Variants in SIDT1 observed in about 807,000 individuals in gnomAD.
SIDT1 encodes SID1 transmembrane family member 1, also known as SID1 transmembrane family, member 1.
SIDT1 carries 101 observed loss-of-function variants against 107.5 expected under a neutral mutation model. The observed-to-expected ratio is 0.94, with a 90% CI of 0.80 to 1.11. The LOEUF is 1.11. SIDT1 is among the 50% of genes least tolerant of loss of function. The pLI is 0.00. For synonymous variants in SIDT1, 395 were observed against 398.2 expected (o/e 0.99, Z 0.10); for missense variants, 1,076 against 1,058.2 (o/e 1.02, Z -0.23).
At chr3:113,557,388 G>A (rs1940990946) in intron 1 of SIDT1, among the ~76,000 whole-genome samples, 2 of 152,190 alleles carry the variant, frequency 1.3e-5, no homozygotes, top group African/African-American at 4.8e-5. Context: ...GACCTTACTT[G>A]GAAGTATCAT....
At chr3:113,540,436 CA>C (rs1399369801) in intron 1 of SIDT1, among the ~76,000 whole-genome samples, 2 of 152,114 alleles carry the variant, frequency 1.3e-5, no homozygotes, top group East Asian at 3.8e-4. Flanking sequence ...ACATTACTAC[CA>C]ACAATAAGAT....
intron 10 of SIDT1, 144 bp from the exon 11 acceptor site, chr3:113,601,444 C>A: frequency 1.9e-6 from 1 of 533,964 alleles, no homozygotes; most frequent in Non-Finnish European, 3.3e-6. Context: ...GCAGATGGGT[C>A]ATAGTTTTGG....
rs184384344 is a variant in SIDT1 at position 113,567,060 on chromosome 3, T to A, written c.345-480T>A. Among the ~76,000 whole-genome samples, 556 of 152,302 alleles carry A rather than the reference T, an allele frequency of 3.7e-3. 10 individuals are homozygous for A. Among genetic ancestry groups the A allele is most frequent in the Non-Finnish European group, 7.6e-4 (52 of 68,022 alleles). ...TACTACTGCACTAATAAAAAAAACTTGGAAGGCATGCAAAATGGACACATA... is the reference window on the plus strand; with the variant it reads ...TACTACTGCACTAATAAAAAAAACTAGGAAGGCATGCAAAATGGACACATA... On this transcript the variant is annotated intron_variant, in intron 2 of 24. Coordinates refer to ENST00000264852, the MANE Select transcript of SIDT1 (RefSeq NM_017699.3).
intron 1 of SIDT1, among the ~76,000 whole-genome samples, chr3:113,538,828 T>C (rs1197664144): frequency 1.3e-5 from 2 of 152,170 alleles, no homozygotes; most frequent in Non-Finnish European, 2.9e-5. Flanking sequence ...GCATTTCAGA[T>C]ACGGAAAAAT....
At chr3:113,603,652 G>A (rs1040279086) in intron 12 of SIDT1, among the ~76,000 whole-genome samples, 1 of 152,114 alleles carries the variant, frequency 6.6e-6, no homozygotes, top group African/African-American at 2.4e-5. Flanking sequence ...ATCAATTCTT[G>A]ACATGTAAGA....
rs1402209811 is a variant in SIDT1, at chr3:113,576,982, T to C, written c.561+15T>C. On this transcript the variant is annotated intron_variant, in intron 4 of 24. Coordinates refer to ENST00000264852, the MANE Select transcript of SIDT1 (RefSeq NM_017699.3). Reference sequence around the variant, plus strand: ...CTCAACCTCAGGTAAGTGAAGGGGTTCCAAGAGTTATCAACATCCTACCTG... The same window carrying C: ...CTCAACCTCAGGTAAGTGAAGGGGTCCCAAGAGTTATCAACATCCTACCTG... 8 of 1,613,482 alleles carry C rather than the reference T, an allele frequency of 5.0e-6. No homozygotes were observed. The Middle Eastern group carries it at 4.9e-4, about 99-fold the overall frequency.
At chr3:113,584,797 A>G in intron 8 of SIDT1, 28 bp downstream of exon 8, 2 of 1,446,456 alleles carry the variant, frequency 1.4e-6, no homozygotes, top group Non-Finnish European at 1.9e-6. Flanking sequence ...AATGCATTGA[A>G]GAGATTCCTG....
chr3:113,616,073 C>T (rs1576969894), intron 19 of SIDT1, 27 bp from the exon 20 acceptor site: 1 of 1,560,784 alleles, frequency 6.4e-7, no homozygotes, highest in Non-Finnish European at 8.8e-7. Flanking sequence ...ACTAAGCCTT[C>T]TCACCATGCA....
intron 3 of SIDT1, among the ~76,000 whole-genome samples, chr3:113,569,114 G>T (rs980865397): frequency 7.3e-6 from 1 of 136,328 alleles, no homozygotes; most frequent in Non-Finnish European, 1.5e-5. Flanking sequence ...ACTCCAGCCT[G>T]GGTGAAGGAG....
At position 113,570,188 on chromosome 3, in the gene SIDT1, A is replaced by T. The variant is rs141324804; in HGVS notation, c.515+2478A>T. Among the ~76,000 whole-genome samples, 434 of 152,346 alleles carry T rather than the reference A, an allele frequency of 2.8e-3. 1 individual carries two copies. The highest frequency in any genetic ancestry group is 9.9e-3 in the African/African-American group (410 of 41,590). On this transcript the variant is annotated intron_variant, in intron 3 of 24. Transcript: ENST00000264852. ...CCAAAGTGCTGGTATTACAGGCATG[A>T]GCAACTGTGCCTGGCCTAATTTAAT... is the stretch of plus-strand genomic sequence containing the variant.
At chr3:113,616,035 C>T in intron 19 of SIDT1, 65 bp from the exon 20 acceptor site, 1 of 1,125,932 alleles carries the variant, frequency 8.9e-7, no homozygotes, top group Non-Finnish European at 1.4e-6. Flanking sequence ...AAACCTTGGG[C>T]CACTTCAGAG....
In SIDT1 at chr3:113,584,728, G is replaced by A. The variant is rs372768021; in HGVS notation, c.866G>A (p.Arg289Gln). 80 of 1,599,364 alleles carry A rather than the reference G, an allele frequency of 5.0e-5. No individual in the cohort carries two copies. Among genetic ancestry groups the A allele is most frequent in the Middle Eastern group, 1.7e-4 (1 of 6,034 alleles). Residue 289 changes from arginine (R) to glutamine (Q), a missense_variant, in exon 8 of 25, where the codon CGA (arginine) becomes CAA (glutamine). Arg to Gln is a conservative substitution (Grantham distance 43). Transcript: ENST00000264852. ...GAAAACCAGACCTGGAATCTACAGC[G>A]AAAAAAGAACCTTGAAGTGACCATT... is the stretch of plus-strand genomic sequence containing the variant. ...EKENQTWNLQRKKNLEVTIVP... is the reference protein window; with the variant it reads ...EKENQTWNLQQKKNLEVTIVP...
chr3:113,596,443 G>A (rs993890404), intron 10 of SIDT1, among the ~76,000 whole-genome samples: 17 of 152,208 alleles, frequency 1.1e-4, no homozygotes, highest in African/African-American at 3.9e-4. Context: ...GCAAAAAAAT[G>A]TATTTCATAC....
At chr3:113,605,122 C>CCCTTT in intron 14 of SIDT1, 146 bp downstream of exon 14, 1 of 306,998 alleles carries the variant, frequency 3.3e-6, no homozygotes, top group Non-Finnish European at 5.4e-6. Context: ...CTATTGCTTC[C>CCCTTT]TCTTTTTTTT....
chr3:113,575,097 T>C (rs1471913018), intron 3 of SIDT1, among the ~76,000 whole-genome samples: 2 of 152,194 alleles, frequency 1.3e-5, no homozygotes, highest in Non-Finnish European at 2.9e-5. Flanking sequence ...TGCATTGTAC[T>C]AGCAAATAAA....
intron 1 of SIDT1, among the ~76,000 whole-genome samples, chr3:113,552,883 G>T (rs1319638948): frequency 6.6e-6 from 1 of 152,208 alleles, no homozygotes; most frequent in African/African-American, 2.4e-5. Flanking sequence ...GTTGGAGGAG[G>T]AGTAGTTCCT....
Position 113,569,275 on chromosome 3 carries a change from G to A in SIDT1, c.515+1565G>A, listed in dbSNP as rs78603686. Among the ~76,000 whole-genome samples the A allele has an allele frequency of 7.7e-3, 1,173 of 152,186 alleles. 15 individuals carry two copies. The highest frequency in any genetic ancestry group is 0.026 in the African/African-American group (1,096 of 41,524). The stretch of plus-strand genomic sequence containing the variant: ...AATAGTGGTACCTTTGGGGAGGAGA[G>A]AAGTACATGGCTATGTTTGACGATA... On this transcript the variant is annotated intron_variant, in intron 3 of 24. Transcript: ENST00000264852.
At chr3:113,568,034 T>C (rs1020577042) in intron 3 of SIDT1, 3 of 218,156 alleles carry the variant, frequency 1.4e-5, no homozygotes, top group Non-Finnish European at 1.8e-5. Flanking sequence ...TGCCACACTC[T>C]TGAAGGAAGT....
intron 12 of SIDT1, among the ~76,000 whole-genome samples, chr3:113,603,592 G>A (rs1945116689): frequency 6.6e-6 from 1 of 152,184 alleles, no homozygotes; most frequent in Admixed American, 6.5e-5. Flanking sequence ...TACAGTTTCA[G>A]CCCTATGTAG....
Sources: allele counts gnomAD v4.1 joint callset (sites outside exome capture counted in the v4.1 genomes callset), GRCh38; gene constraint gnomAD v4.1.1; transcripts MANE v1.5; gene names NCBI Gene and HGNC (gene_info 2026-07-23, HGNC 2026-07-21).